Variants in COL12A1 observed in about 807,000 individuals in gnomAD.
COL12A1 encodes the protein collagen alpha-1(XII) chain.
Under a neutral mutation model 349.7 loss-of-function variants are expected in COL12A1, and 114 were observed. That is an observed-to-expected ratio of 0.33 (90% CI 0.28 to 0.38). The LOEUF is 0.38. COL12A1 is among the 10% of genes least tolerant of loss of function. The probability of loss-of-function intolerance (pLI) is 1.00; values close to 1 mark genes in which losing one functional copy is unlikely to be tolerated. For missense variants in COL12A1, 3,284 were observed against 3,756.9 expected (o/e 0.87, Z 3.29); for synonymous variants, 1,369 against 1,329.0 (o/e 1.03, Z -0.66).
intron 31 of COL12A1, among the ~76,000 whole-genome samples, chr6:75,135,969 C>T (rs1766586334): frequency 6.6e-6 from 1 of 152,180 alleles, no homozygotes; most frequent in South Asian, 2.1e-4. Context: ...AGTTATTCAT[C>T]ATTTTCATGA....
intron 1 of COL12A1, among the ~76,000 whole-genome samples, chr6:75,204,858 G>A (rs537780758): frequency 6.6e-6 from 1 of 152,252 alleles, no homozygotes; most frequent in South Asian, 2.1e-4. Context: ...ATTAGCCAAA[G>A]GAGAGCTTAG....
chr6:75,165,391 G>T, intron 14 of COL12A1, 116 bp downstream of exon 14: 1 of 1,344,016 alleles, frequency 7.4e-7, no homozygotes, highest in Non-Finnish European at 1.0e-6. Context: ...TAATTCCTCA[G>T]TCTTCATTTA....
rs1455214020 is a variant in COL12A1, at chr6:75,106,450, C to T, written c.8147G>A (p.Ser2716Asn). The T allele has an allele frequency of 6.2e-7, 1 of 1,613,962 alleles. No individual in the cohort carries two copies. Among genetic ancestry groups the T allele is most frequent in the South Asian group, 1.1e-5 (1 of 91,082 alleles). Reference sequence around the variant, plus strand: ...GGGAATATCACAGCATCTGTCTCTACTGGTCCACACTGGACTGCAGACAAT... The same window carrying T: ...GGGAATATCACAGCATCTGTCTCTATTGGTCCACACTGGACTGCAGACAAT... Reference protein sequence around the residue: ...FDIVCSPVWTSRDRCCDIPSR... With the variant: ...FDIVCSPVWTNRDRCCDIPSR... The change falls in exon 53 of 66, where the codon AGT becomes AAT. Residue 2716 changes from serine to asparagine, a missense_variant. Ser to Asn is a conservative substitution (Grantham distance 46). This residue lies in a region of COL12A1 where 683 missense variants were observed against 932.1 expected (regional missense o/e 0.73). Coordinates refer to ENST00000322507, the MANE Select transcript of COL12A1 (RefSeq NM_004370.6).
In COL12A1 at chr6:75,146,129, C is replaced by T; in HGVS notation, c.4533G>A (p.Lys1511=). 6.2e-7 allele frequency: 1 copy of T among 1,609,604 alleles called. No homozygotes were observed. The highest frequency in any genetic ancestry group is 2.2e-5 in the East Asian group (1 of 44,796). The stretch of plus-strand genomic sequence containing the variant: ...CTTTGGGTCTTGTTGGCTCTGTGTC[C>T]TTAACAGGTTTGTATGACAAGATGT... ...TGYILSYKPV[K]DTEPTRPKEV... Residue 1511 remains lysine, a synonymous_variant, in exon 24 of 66, where the codon AAG becomes AAA. Coordinates refer to ENST00000322507, the MANE Select transcript of COL12A1 (RefSeq NM_004370.6).
Position 75,177,772 on chromosome 6 carries a change from C to T in COL12A1, c.2328G>A (p.Arg776=). 1.9e-6 allele frequency: 3 copies of T among 1,614,076 alleles called. No homozygotes were observed. Among genetic ancestry groups the T allele is most frequent in the Non-Finnish European group, 2.5e-6 (3 of 1,180,016 alleles). ...REVTTPPNQR[R]RTLENLIPDT... Reference sequence around the variant, plus strand: ...CTGGAATCAAGTTCTCCAGTGTTCTCCTCCTCTGATTGGGTGGGGTGGTAA... The same window carrying T: ...CTGGAATCAAGTTCTCCAGTGTTCTTCTCCTCTGATTGGGTGGGGTGGTAA... Residue 776 remains arginine (R), a synonymous_variant, in exon 12 of 66, where the codon AGG becomes AGA. Coordinates refer to ENST00000322507, the MANE Select transcript of COL12A1 (RefSeq NM_004370.6).
chr6:75,143,608 T>C (rs1284498965), intron 25 of COL12A1, among the ~76,000 whole-genome samples: 1 of 152,140 alleles, frequency 6.6e-6, no homozygotes, highest in Non-Finnish European at 1.5e-5. Context: ...TAATTTTTTG[T>C]TATCACAAGG....
chr6:75,177,942 T>A lies in COL12A1; in HGVS notation c.2165-7A>T. The stretch of plus-strand genomic sequence containing the variant: ...TTTCGAGGTGCTCCTTTTACTGAAA[T>A]AAAAAAGGAAAAATAGATTTTAAAC... On this transcript the variant is annotated splice_polypyrimidine_tract_variant and splice_region_variant and intron_variant, in intron 11 of 65. Coordinates refer to ENST00000322507, the MANE Select transcript of COL12A1 (RefSeq NM_004370.6). The A allele has an allele frequency of 6.3e-7, 1 of 1,578,488 alleles. No individual in the cohort carries two copies. The highest frequency in any genetic ancestry group is 2.0e-5 in the Admixed American group (1 of 51,180).
At chr6:75,123,760 C>T (rs1174504809) in intron 42 of COL12A1, among the ~76,000 whole-genome samples, 188 bp downstream of exon 42, 1 of 152,168 alleles carries the variant, frequency 6.6e-6, no homozygotes, top group Non-Finnish European at 1.5e-5. Context: ...ACAGGGACAA[C>T]TTGCAAATTG....
At chr6:75,108,912 A>G (rs1768695441) in intron 52 of COL12A1, 106 bp downstream of exon 52, 1 of 1,241,886 alleles carries the variant, frequency 8.1e-7, no homozygotes, top group African/African-American at 1.5e-5. Context: ...ACAACTTAAA[A>G]CTCACTGAGA....
chr6:75,145,318 T>C lies in COL12A1; in HGVS notation c.4690+8A>G, dbSNP rs760044445. ...TAAGAAGGGAAATAAAACTAAGCAGTAGCTTACAGGTGACTTCCCGAACAG... is the reference window on the plus strand; with the variant it reads ...TAAGAAGGGAAATAAAACTAAGCAGCAGCTTACAGGTGACTTCCCGAACAG... On this transcript the variant is annotated splice_region_variant and intron_variant, in intron 25 of 65. Transcript: ENST00000322507. 2 of 1,591,920 alleles carry C rather than the reference T, an allele frequency of 1.3e-6. No homozygotes were observed. The highest frequency in any genetic ancestry group is 1.3e-5 in the African/African-American group (1 of 74,556).
intron 14 of COL12A1, among the ~76,000 whole-genome samples, chr6:75,164,870 A>C (rs1463917786): frequency 6.6e-6 from 1 of 152,172 alleles, no homozygotes; most frequent in East Asian, 1.9e-4. Flanking sequence ...GAGTGAGGTA[A>C]ATCTGAGCCA....
At chr6:75,192,438 T>C in intron 3 of COL12A1, 83 bp from the exon 4 acceptor site, 1 of 1,270,438 alleles carries the variant, frequency 7.9e-7, no homozygotes, top group Non-Finnish European at 1.1e-6. Context: ...CCAGAGGTAC[T>C]CAAAATCTGA....
At chr6:75,138,704 G>C (rs573892588) in intron 28 of COL12A1, 118 bp downstream of exon 28, 3 of 1,553,810 alleles carry the variant, frequency 1.9e-6, no homozygotes, top group Non-Finnish European at 2.6e-6. Flanking sequence ...TGCATGTCAT[G>C]AGCTCAAATG....
At chr6:75,200,792 T>A (rs1770487942) in intron 2 of COL12A1, among the ~76,000 whole-genome samples, 1 of 152,148 alleles carries the variant, frequency 6.6e-6, no homozygotes, top group Non-Finnish European at 1.5e-5. Flanking sequence ...AAAATGTAGG[T>A]TACATATGTG....
chr6:75,095,051 C>T (rs1767939630), intron 60 of COL12A1, 57 bp downstream of exon 60: 1 of 1,466,792 alleles, frequency 6.8e-7, no homozygotes, highest in Non-Finnish European at 9.5e-7. Flanking sequence ...TTGCAGTTCT[C>T]ATTATTTATT....
intron 59 of COL12A1, among the ~76,000 whole-genome samples, chr6:75,096,300 T>C (rs985370136): frequency 6.6e-6 from 1 of 152,062 alleles, no homozygotes; most frequent in Admixed American, 6.6e-5. Flanking sequence ...TGCATTTAAA[T>C]CCCCCATTAC....
intron 7 of COL12A1, among the ~76,000 whole-genome samples, chr6:75,188,982 G>A (rs1193145063): frequency 6.6e-6 from 1 of 151,982 alleles, no homozygotes; most frequent in Non-Finnish European, 1.5e-5. Flanking sequence ...GTAGAGAGCT[G>A]GCAAAGAATG....
At chr6:75,191,525 A>G (rs1466530976) in intron 5 of COL12A1, among the ~76,000 whole-genome samples, 176 bp downstream of exon 5, 1 of 152,060 alleles carries the variant, frequency 6.6e-6, no homozygotes, top group Non-Finnish European at 1.5e-5. Context: ...GTCAGAACTT[A>G]GGTTATAATG....
At chr6:75,151,692 T>A (rs975221311) in intron 20 of COL12A1, among the ~76,000 whole-genome samples, 175 bp downstream of exon 20, 1 of 151,966 alleles carries the variant, frequency 6.6e-6, no homozygotes, top group African/African-American at 2.4e-5. Flanking sequence ...TGTAGTTTTG[T>A]CCCCAAAAAA....
Sources: allele counts gnomAD v4.1 joint callset (sites outside exome capture counted in the v4.1 genomes callset), GRCh38; gene constraint gnomAD v4.1.1; regional missense constraint gnomAD v4.1.1; transcripts MANE v1.5; gene names NCBI Gene and HGNC (gene_info 2026-07-23, HGNC 2026-07-21).